Variants in ZNF43 observed in about 807,000 individuals in gnomAD.
ZNF43 encodes the protein zinc finger protein 39-like 1 (KOX 27).
ZNF43 carries 44 observed loss-of-function variants against 68.4 expected under a neutral mutation model. That is an observed-to-expected ratio of 0.64 (90% CI 0.51 to 0.83). The LOEUF is 0.83. Among genes scored for constraint, ZNF43 ranks in the 40% least tolerant of loss-of-function variants. The pLI, the probability that ZNF43 is intolerant of heterozygous loss-of-function variation, is 0.00. For missense variants in ZNF43, 896 were observed against 933.2 expected, an observed-to-expected ratio of 0.96 and a Z score of 0.52; for synonymous variants, 308 against 307.8, an observed-to-expected ratio of 1.00 and a Z score of -0.01.
intron 1 of ZNF43, among the ~76,000 whole-genome samples, chr19:21,823,485 C>T (rs903265136): frequency 1.4e-4 from 21 of 151,344 alleles, no homozygotes; most frequent in Admixed American, 9.9e-4. Context: ...TTTCAAATGT[C>T]GCAAAGATGT....
chr19:21,809,275 T>C lies in ZNF43; in HGVS notation c.762A>G (p.Arg254=), dbSNP rs1317808056. ...ATTCTTCACATTTGTAGAGTTTGTATCTAGTATAATTTTTTTTATGTGTAG... is the reference window on the plus strand; with the variant it reads ...ATTCTTCACATTTGTAGAGTTTGTACCTAGTATAATTTTTTTTATGTGTAG... ...RLTTHKKNYT[R]YKLYKCEECG... is the part of the protein sequence containing the mutation. Residue 254 remains arginine (R), a synonymous_variant, in exon 4 of 4, where the codon AGA becomes AGG. Transcript: ENST00000354959. The C allele has an allele frequency of 6.2e-7, 1 of 1,613,580 alleles. No individual in the cohort carries two copies. The highest frequency in any genetic ancestry group is 2.2e-5 in the East Asian group (1 of 44,854).
intron 1 of ZNF43, among the ~76,000 whole-genome samples, chr19:21,829,113 ACTCAGGAGG>A (rs2038299274): frequency 6.7e-6 from 1 of 149,994 alleles, no homozygotes; most frequent in South Asian, 2.1e-4. Context: ...TACTCCAGCT[ACTCAGGAGG>A]CTAAGGCAGG....
intron 3 of ZNF43, chr19:21,811,970 CAAAGA>C (rs2037295442): frequency 5.0e-6 from 2 of 397,646 alleles, no homozygotes; most frequent in Non-Finnish European, 8.9e-6. Flanking sequence ...GCATGAACAG[CAAAGA>C]AAAGAACAGA....
At chr19:21,842,619 G>A (rs1967622796) in intron 1 of ZNF43, among the ~76,000 whole-genome samples, 1 of 151,970 alleles carries the variant, frequency 6.6e-6, no homozygotes, top group African/African-American at 2.4e-5. Context: ...GGCTCATAAA[G>A]AAGAGTCACA....
intron 1 of ZNF43, among the ~76,000 whole-genome samples, chr19:21,831,937 T>A (rs1213234747): frequency 2.6e-5 from 4 of 152,188 alleles, no homozygotes; most frequent in African/African-American, 9.7e-5. Flanking sequence ...AGAAAAGGTA[T>A]CATTAAAATG....
At chr19:21,830,279 G>GAAAAAAAA (rs57980495) in intron 1 of ZNF43, among the ~76,000 whole-genome samples, 1 of 133,888 alleles carries the variant, frequency 7.5e-6, no homozygotes, top group Non-Finnish European at 1.7e-5. Flanking sequence ...AAAACAAAAT[G>GAAAAAAAA]AAAAAAAAAA....
chr19:21,830,112 G>T (rs1307486712), intron 1 of ZNF43, among the ~76,000 whole-genome samples: 1 of 151,928 alleles, frequency 6.6e-6, no homozygotes, highest in East Asian at 1.9e-4. Context: ...TTGGCCATGT[G>T]TATTGGTGGG....
rs772746780 is a variant in ZNF43 at position 21,836,034 on chromosome 19, A to G, written c.3+2T>C. On this transcript the variant is annotated splice_donor_variant, in intron 1 of 3. Transcript: ENST00000354959. LOFTEE classifies it high-confidence loss of function. ...CTCGGGATGTCGGACCGGCACTCTC[A>G]CCATTTCTAGGCTTCCGGGGGGTCC... 2.5e-6 allele frequency: 4 copies of G among 1,613,772 alleles called. No homozygotes were observed. Among genetic ancestry groups the G allele is most frequent in the Non-Finnish European group, 2.5e-6 (3 of 1,179,834 alleles).
intron 3 of ZNF43, among the ~76,000 whole-genome samples, chr19:21,813,897 G>A (rs935745380): frequency 1.3e-5 from 2 of 151,652 alleles, no homozygotes; most frequent in Non-Finnish European, 2.9e-5. Flanking sequence ...CAAAAAGCTT[G>A]TACCATGGGT....
At chr19:21,842,906 C>G (rs1357606927) in intron 1 of ZNF43, among the ~76,000 whole-genome samples, 2 of 152,108 alleles carry the variant, frequency 1.3e-5, no homozygotes, top group African/African-American at 4.8e-5. Context: ...TGGTCAGGGC[C>G]CAGGCAGGAG....
At chr19:21,836,963 CAT>C (rs1421068833), upstream of ZNF43, among the ~76,000 whole-genome samples, 12 of 152,082 alleles carry the variant, frequency 7.9e-5, no homozygotes, top group East Asian at 5.8e-4. Flanking sequence ...ATGTTATGCA[CAT>C]GTTTTAAAAG....
At chr19:21,816,000 G>A (rs1041892724) in intron 3 of ZNF43, among the ~76,000 whole-genome samples, 48 of 151,848 alleles carry the variant, frequency 3.2e-4, no homozygotes, top group Admixed American at 3.2e-3. Flanking sequence ...AGTGGAGGTT[G>A]CAATGAGCTG....
At chr19:21,811,204 A>G (rs2037254242) in intron 3 of ZNF43, among the ~76,000 whole-genome samples, 1 of 152,158 alleles carries the variant, frequency 6.6e-6, no homozygotes, top group South Asian at 2.1e-4. Context: ...AATTTTTCAC[A>G]GAAATATTCT....
chr19:21,835,784 T>C (rs944540696), intron 1 of ZNF43, among the ~76,000 whole-genome samples: 2 of 152,222 alleles, frequency 1.3e-5, no homozygotes, highest in Non-Finnish European at 2.9e-5. Context: ...CTGCACAATT[T>C]GGGAGAGACG....
At chr19:21,821,231 C>T (rs2037829096) in intron 1 of ZNF43, among the ~76,000 whole-genome samples, 1 of 150,144 alleles carries the variant, frequency 6.7e-6, no homozygotes, top group African/African-American at 2.5e-5. Context: ...CTGCAAGCTC[C>T]TCCTCCTGGG....
intron 1 of ZNF43, among the ~76,000 whole-genome samples, chr19:21,844,672 C>T (rs1295502303): frequency 6.0e-5 from 9 of 151,112 alleles, no homozygotes; most frequent in Admixed American, 1.3e-4. Context: ...CCGAGGCAGG[C>T]GGACCATGAG....
intron 1 of ZNF43, among the ~76,000 whole-genome samples, chr19:21,822,576 C>T (rs955320840): frequency 1.3e-5 from 2 of 151,876 alleles, no homozygotes; most frequent in African/African-American, 4.8e-5. Flanking sequence ...GAGGCCGAGG[C>T]GGGTGGATCA....
chr19:21,836,186 G>A (rs2038725251), upstream of ZNF43: 8 of 1,507,280 alleles, frequency 5.3e-6, no homozygotes, highest in Non-Finnish European at 7.1e-6. Context: ...CAGAGACAAA[G>A]GCCCCGCCAC....
chr19:21,807,062 T>C lies in ZNF43; in HGVS notation c.*545A>G, dbSNP rs2145134946. 1 of 152,312 alleles carries C rather than the reference T, an allele frequency of 6.6e-6. No homozygotes were observed. The highest frequency in any genetic ancestry group is 6.5e-5 in the Admixed American group (1 of 15,288). The allele number at this position is 152,312 out of a possible 1,614,324, so 9.4% of individuals were successfully genotyped here. ...ATCAACCAAGCATTATAGACCCTCA[T>C]GTTTTATAAGCTGTAGTTTTTCAAA... is the stretch of plus-strand genomic sequence containing the variant. On this transcript the variant is annotated 3_prime_UTR_variant, in exon 4 of 4. Transcript: ENST00000354959.
Sources: gnomAD v4.1 joint callset for allele counts (sites outside exome capture counted in the v4.1 genomes callset) on GRCh38, gnomAD v4.1.1 for gene constraint, MANE v1.5 for transcripts, NCBI Gene and HGNC (gene_info 2026-07-23, HGNC 2026-07-21) for gene names.